The following PPEF1 variants were observed in gnomAD, a reference collection of about 807,000 sequenced individuals.
The protein encoded by PPEF1 is protein phosphatase with EF-hand domain 1.
PPEF1 carries 12 observed loss-of-function variants against 53.3 expected under a neutral mutation model. That is an observed-to-expected ratio of 0.23 (90% CI 0.14 to 0.36). The LOEUF is 0.36. Among genes scored for constraint, PPEF1 ranks in the 10% least tolerant of loss-of-function variants. PPEF1 has a pLI of 1.00. For missense variants in PPEF1, 334 were observed against 490.4 expected, an observed-to-expected ratio of 0.68 and a Z score of 3.01; for synonymous variants, 165 against 176.7, an observed-to-expected ratio of 0.93 and a Z score of 0.52.
chrX:18,741,529 A>G (rs1437882257), intron 3 of PPEF1, among the ~76,000 whole-genome samples: 2 of 111,625 alleles, frequency 1.8e-5, no homozygotes, highest in African/African-American at 6.5e-5. Context: ...AGGAAGGTAT[A>G]CAAATTATAT....
At chrX:18,805,772 G>A (rs1487569619) in intron 11 of PPEF1, among the ~76,000 whole-genome samples, 1 of 108,551 alleles carries the variant, frequency 9.2e-6, no homozygotes, top group Non-Finnish European at 1.9e-5. Context: ...GAACCCAGGA[G>A]GTGGAGGTTG....
In PPEF1 at chrX:18,723,641, A is replaced by G. The variant is rs548729410; in HGVS notation, c.47-6540A>G. 4.7e-4 allele frequency among the ~76,000 whole-genome samples: 52 copies of G among 111,775 alleles called. 1 individual carries two copies. The South Asian group carries it at 0.014, about 31-fold the overall frequency. On this transcript the variant is annotated intron_variant, in intron 1 of 15. Coordinates refer to ENST00000470157, the MANE Select transcript of PPEF1 (RefSeq NM_001377996.1). ...TGAAGTTCCTAGCTAATAGGGGAAAATGGACAATAAACCCATACACATATA... is the reference window on the plus strand; with the variant it reads ...TGAAGTTCCTAGCTAATAGGGGAAAGTGGACAATAAACCCATACACATATA...
At chrX:18,690,285 G>A (rs1378828568) in intron 3 of PPEF1, among the ~76,000 whole-genome samples, 2 of 109,935 alleles carry the variant, frequency 1.8e-5, no homozygotes, top group African/African-American at 3.3e-5. Flanking sequence ...AGGCTTCTCC[G>A]TGAACTTTTA....
At chrX:18,729,358 C>G (rs1033822297) in intron 1 of PPEF1, among the ~76,000 whole-genome samples, 1 of 111,872 alleles carries the variant, frequency 8.9e-6, no homozygotes, top group Non-Finnish European at 1.9e-5. Flanking sequence ...CTTCATGTAC[C>G]CCACGCTCAT....
upstream of PPEF1, among the ~76,000 whole-genome samples, chrX:18,681,136 A>G (rs1159949005): frequency 9.0e-6 from 1 of 111,511 alleles, no homozygotes; most frequent in African/African-American, 3.3e-5. Context: ...ATACCCAGTA[A>G]TGGGATGGCT....
Position 18,749,827 on chromosome X carries a change from A to G in PPEF1, c.271A>G (p.Met91Val). Residue 91 changes from methionine (M) to valine (V), a missense_variant, in exon 4 of 16, where the codon ATG becomes GTG. Met to Val is a conservative substitution (Grantham distance 21). Coordinates refer to ENST00000470157, the MANE Select transcript of PPEF1 (RefSeq NM_001377996.1). ...RNQSLESEQD[M>V]RDRWDYVDSI... The stretch of plus-strand genomic sequence containing the variant: ...TCAGTCTCTTGAAAGCGAACAGGAC[A>G]TGAGGGATAGATGGGATTATGTGGA... 8.7e-7 allele frequency: 1 copy of G among 1,146,013 alleles called. No individual in the cohort carries two copies. The highest frequency in any genetic ancestry group is 3.4e-5 in the East Asian group (1 of 29,487). 94.4% of individuals were successfully genotyped at this position (1,146,013 alleles called of 1,213,427 possible).
chrX:18,770,085 T>A (rs1368374635), intron 6 of PPEF1, among the ~76,000 whole-genome samples: 1 of 111,700 alleles, frequency 9.0e-6, no homozygotes, highest in African/African-American at 3.3e-5. Context: ...ATAGACGGTT[T>A]GTTGCATATT....
intron 2 of PPEF1, among the ~76,000 whole-genome samples, chrX:18,685,539 G>T (rs182218515): frequency 6.4e-3 from 703 of 110,242 alleles, no homozygotes; most frequent in Non-Finnish European, 9.6e-3. Flanking sequence ...CAAAAAATTA[G>T]CCGGCCGCGG....
intron 6 of PPEF1, among the ~76,000 whole-genome samples, chrX:18,765,392 G>C (rs1040308886): frequency 9.0e-6 from 1 of 111,429 alleles, no homozygotes. Flanking sequence ...TACAACACGA[G>C]GACTATAGGT....
intron 3 of PPEF1, among the ~76,000 whole-genome samples, chrX:18,686,590 A>G (rs1240871679): frequency 9.0e-6 from 1 of 110,942 alleles, no homozygotes; most frequent in African/African-American, 3.3e-5. Context: ...GCCCGCGCTT[A>G]GAGTTGGGGG....
chrX:18,819,608 TG>T (rs1430393669), intron 13 of PPEF1, among the ~76,000 whole-genome samples: 1 of 111,425 alleles, frequency 9.0e-6, no homozygotes, highest in Non-Finnish European at 1.9e-5. Context: ...ACAGGAGAAT[TG>T]CTTGAACCCA....
intron 1 of PPEF1, among the ~76,000 whole-genome samples, chrX:18,711,036 G>A (rs1445488124): frequency 4.9e-5 from 5 of 102,708 alleles, no homozygotes; most frequent in Admixed American, 1.1e-4. Flanking sequence ...GTATATATAC[G>A]TATATATGTA....
intron 2 of PPEF1, among the ~76,000 whole-genome samples, chrX:18,731,576 C>G (rs192338427): frequency 1.8e-5 from 2 of 111,860 alleles, no homozygotes; most frequent in African/African-American, 6.5e-5. Context: ...ATTCCAGCAC[C>G]AGTACATTAT....
intron 12 of PPEF1, among the ~76,000 whole-genome samples, chrX:18,813,398 AC>A (rs1428348123): frequency 9.9e-4 from 109 of 109,730 alleles, no homozygotes; most frequent in Non-Finnish European, 1.5e-3. Context: ...AAAAAAAAAA[AC>A]AATTGATTTT....
chrX:18,747,144 A>G (rs1602409397), intron 3 of PPEF1, among the ~76,000 whole-genome samples: 1 of 111,635 alleles, frequency 9.0e-6, no homozygotes, highest in African/African-American at 3.3e-5. Context: ...TGGGAACAAT[A>G]AAGACAGAGT....
chrX:18,812,400 A>G (rs746484070), intron 12 of PPEF1, among the ~76,000 whole-genome samples: 45 of 112,501 alleles, frequency 4.0e-4, no homozygotes, highest in African/African-American at 1.4e-3. Flanking sequence ...AACTTACTAC[A>G]GTTTTAAAAC....
At chrX:18,760,731 C>T (rs996821810) in intron 5 of PPEF1, among the ~76,000 whole-genome samples, 2 of 108,388 alleles carry the variant, frequency 1.8e-5, no homozygotes, top group African/African-American at 6.8e-5. Context: ...CCTCAGTCAG[C>T]CTCCTGAGTA....
At chrX:18,731,289 A>C (rs1264667806) in intron 2 of PPEF1, among the ~76,000 whole-genome samples, 1 of 112,334 alleles carries the variant, frequency 8.9e-6, no homozygotes, top group Non-Finnish European at 1.9e-5. Context: ...GGATGTTAAG[A>C]GGGACTTCTC....
intron 3 of PPEF1, among the ~76,000 whole-genome samples, chrX:18,738,327 C>CA (rs1036169527): frequency 6.3e-5 from 7 of 111,086 alleles, no homozygotes; most frequent in Non-Finnish European, 1.3e-4. Context: ...CTGGTGGTGA[C>CA]AAAATCTCTC....
Sources: gnomAD v4.1 joint callset for allele counts (sites outside exome capture counted in the v4.1 genomes callset) on GRCh38, gnomAD v4.1.1 for gene constraint, MANE v1.5 for transcripts, NCBI Gene and HGNC (gene_info 2026-07-23, HGNC 2026-07-21) for gene names.